HSD17B12: variants seen among roughly 807,000 people sequenced by gnomAD.
HSD17B12 encodes the protein hydroxysteroid 17-beta dehydrogenase 12.
HSD17B12 carries 32 observed loss-of-function variants against 39.3 expected under a neutral mutation model. That is an observed-to-expected ratio of 0.81 (90% CI 0.61 to 1.09). The LOEUF (loss-of-function observed/expected upper bound fraction) is 1.09, where lower values mean the gene tolerates loss of function less well. Ranked by LOEUF, HSD17B12 falls within the 50% of genes least tolerant of loss-of-function variation. The pLI, the probability that HSD17B12 is intolerant of heterozygous loss-of-function variation, is 0.00. For missense variants in HSD17B12, 342 were observed against 382.9 expected, an observed-to-expected ratio of 0.89 and a Z score of 0.89; for synonymous variants, 150 against 146.7, an observed-to-expected ratio of 1.02 and a Z score of -0.16.
At chr11:43,691,532 C>T (rs1019648016) in intron 1 of HSD17B12, among the ~76,000 whole-genome samples, 4 of 152,170 alleles carry the variant, frequency 2.6e-5, no homozygotes, top group Non-Finnish European at 4.4e-5. Flanking sequence ...GTCTCTCTCG[C>T]ATCCATACCT....
At chr11:43,738,161 C>T (rs559194976) in intron 1 of HSD17B12, among the ~76,000 whole-genome samples, 168 of 149,860 alleles carry the variant, frequency 1.1e-3, no homozygotes, top group Non-Finnish European at 2.1e-3. Flanking sequence ...TTCACTGGCA[C>T]ATTATGAGTG....
intron 1 of HSD17B12, among the ~76,000 whole-genome samples, chr11:43,688,979 T>C (rs1565048883): frequency 6.6e-6 from 1 of 152,206 alleles, no homozygotes. Flanking sequence ...TGAAAAGGGA[T>C]TGTTGAAACT....
chr11:43,685,114 A>G (rs1949786203), intron 1 of HSD17B12, among the ~76,000 whole-genome samples: 1 of 152,088 alleles, frequency 6.6e-6, no homozygotes, highest in African/African-American at 2.4e-5. Context: ...CCTTTGTTCT[A>G]CCCTCTGGAT....
chr11:43,753,672 C>T (rs1304346049), intron 2 of HSD17B12, among the ~76,000 whole-genome samples: 1 of 151,572 alleles, frequency 6.6e-6, no homozygotes, highest in African/African-American at 2.4e-5. Context: ...CTTCGGCCTC[C>T]TGAATTGCTG....
At chr11:43,790,647 C>T (rs1950859001) in intron 3 of HSD17B12, among the ~76,000 whole-genome samples, 1 of 152,180 alleles carries the variant, frequency 6.6e-6, no homozygotes, top group South Asian at 2.1e-4. Context: ...GAGAGCAGGA[C>T]AGTGCAAGAT....
chr11:43,625,755 T>C, the HSD17B12 span, among the ~76,000 whole-genome samples: 1 of 151,236 alleles, frequency 6.6e-6, no homozygotes, highest in Non-Finnish European at 1.5e-5. Flanking sequence ...TCTATAATAA[T>C]TCATAAAAAT....
intron 3 of HSD17B12, among the ~76,000 whole-genome samples, chr11:43,757,667 A>AAAAAAAAAAAAC (rs869271362): frequency 1.4e-5 from 2 of 143,296 alleles, no homozygotes; most frequent in African/African-American, 5.3e-5. Context: ...AAAAAAAAAA[A>AAAAAAAAAAAAC]CAAATAGGTA....
chr11:43,580,250 T>A, the HSD17B12 span, among the ~76,000 whole-genome samples: 2 of 151,826 alleles, frequency 1.3e-5, no homozygotes, highest in Non-Finnish European at 2.9e-5. Flanking sequence ...CCATCTCTAG[T>A]CTTCCCTCCC....
intron 1 of HSD17B12, among the ~76,000 whole-genome samples, chr11:43,687,521 G>A (rs1311115240): frequency 3.3e-5 from 5 of 152,216 alleles, no homozygotes; most frequent in African/African-American, 4.8e-5. Flanking sequence ...TGGCGGTTGA[G>A]TGTAAGTGAG....
chr11:43,558,812 G>A, the HSD17B12 span, among the ~76,000 whole-genome samples: 1 of 152,118 alleles, frequency 6.6e-6, no homozygotes, highest in Non-Finnish European at 1.5e-5. Context: ...GAAGGGAATC[G>A]TTTTCAGCAG....
At chr11:43,599,347 CTCTCATTA>C in the HSD17B12 span, among the ~76,000 whole-genome samples, 1 of 152,318 alleles carries the variant, frequency 6.6e-6, no homozygotes, top group African/African-American at 2.4e-5. Flanking sequence ...CTCTCTTTCT[CTCTCATTA>C]CCATCTATAA....
chr11:43,633,711 A>C, the HSD17B12 span, among the ~76,000 whole-genome samples: 1 of 152,088 alleles, frequency 6.6e-6, no homozygotes, highest in African/African-American at 2.4e-5. Context: ...AAGAGTAGCT[A>C]TCAAGAGAGC....
chr11:43,602,331 A>G, the HSD17B12 span, among the ~76,000 whole-genome samples: 1 of 152,192 alleles, frequency 6.6e-6, no homozygotes, highest in Admixed American at 6.5e-5. Flanking sequence ...ACAGCTTGGG[A>G]GTGGGAGGTA....
At chr11:43,784,857 T>G (rs906149373) in intron 3 of HSD17B12, among the ~76,000 whole-genome samples, 3 of 152,220 alleles carry the variant, frequency 2.0e-5, no homozygotes, top group Non-Finnish European at 4.4e-5. Context: ...TACTGGGTCT[T>G]AAAAGCCTTT....
At chr11:43,630,746 C>A in the HSD17B12 span, among the ~76,000 whole-genome samples, 2 of 151,130 alleles carry the variant, frequency 1.3e-5, no homozygotes, top group Non-Finnish European at 2.9e-5. Flanking sequence ...AATTAATATT[C>A]TTCTATTGAA....
At chr11:43,769,198 C>T (rs926353694) in intron 3 of HSD17B12, among the ~76,000 whole-genome samples, 1 of 152,244 alleles carries the variant, frequency 6.6e-6, no homozygotes. Flanking sequence ...CCTCAGCCTC[C>T]CAAAGTGCTG....
chr11:43,725,935 A>T (rs1950216613), intron 1 of HSD17B12, among the ~76,000 whole-genome samples: 1 of 152,204 alleles, frequency 6.6e-6, no homozygotes, highest in South Asian at 2.1e-4. Context: ...TTTGTTAATC[A>T]TCAAGTAATC....
At chr11:43,612,608 G>A in the HSD17B12 span, among the ~76,000 whole-genome samples, 1 of 152,200 alleles carries the variant, frequency 6.6e-6, no homozygotes, top group African/African-American at 2.4e-5. Context: ...GTTTCACCAT[G>A]TTGCCCAGGC....
At chr11:43,724,293 G>A (rs920819269) in intron 1 of HSD17B12, among the ~76,000 whole-genome samples, 2 of 151,104 alleles carry the variant, frequency 1.3e-5, no homozygotes, top group Non-Finnish European at 2.9e-5. Flanking sequence ...CCCAACAAGG[G>A]ACTGGCATAA....
Sources: allele counts gnomAD v4.1 joint callset (sites outside exome capture counted in the v4.1 genomes callset), GRCh38; gene constraint gnomAD v4.1.1; transcripts MANE v1.5; gene names NCBI Gene and HGNC (gene_info 2026-07-23, HGNC 2026-07-21).